Variants in THSD4 observed in about 807,000 individuals in gnomAD.
THSD4 encodes thrombospondin type 1 domain containing 4.
THSD4 carries 69 observed loss-of-function variants against 119.0 expected under a neutral mutation model. That is an observed-to-expected ratio of 0.58 (90% confidence interval 0.48 to 0.71). The LOEUF (loss-of-function observed/expected upper bound fraction) is 0.71, where lower values mean the gene tolerates loss of function less well. Ranked by LOEUF, THSD4 falls within the 30% of genes least tolerant of loss-of-function variation. The pLI is 0.00. For missense variants in THSD4, 1,393 were observed against 1,391.1 expected (o/e 1.00, Z -0.02); for synonymous variants, 524 against 540.4 (o/e 0.97, Z 0.42).
At chr15:71,633,139 A>G (rs2050664949) in intron 7 of THSD4, among the ~76,000 whole-genome samples, 1 of 152,076 alleles carries the variant, frequency 6.6e-6, no homozygotes, top group South Asian at 2.1e-4. Context: ...ACCCCCATCT[A>G]TTGTGTGTAT....
chr15:71,468,733 TC>T (rs1479451058), intron 7 of THSD4, among the ~76,000 whole-genome samples: 6 of 152,228 alleles, frequency 3.9e-5, no homozygotes, highest in Non-Finnish European at 7.3e-5. Flanking sequence ...TGGACCCTCT[TC>T]TGTCTTACTC....
At chr15:71,676,425 G>T (rs552569458) in intron 8 of THSD4, among the ~76,000 whole-genome samples, 1 of 152,076 alleles carries the variant, frequency 6.6e-6, no homozygotes, top group Non-Finnish European at 1.5e-5. Context: ...GGGACTACAG[G>T]CATGCACCAC....
At chr15:71,343,070 GACAA>G (rs752361394) in intron 6 of THSD4, among the ~76,000 whole-genome samples, 82 of 152,240 alleles carry the variant, frequency 5.4e-4, no homozygotes, top group Non-Finnish European at 7.6e-4. Context: ...TTCTTCTCTG[GACAA>G]ACAAAGTCCA....
At chr15:71,263,056 C>A (rs1467996237) in intron 6 of THSD4, among the ~76,000 whole-genome samples, 3 of 151,600 alleles carry the variant, frequency 2.0e-5, no homozygotes, top group Non-Finnish European at 4.4e-5. Context: ...CAGATTATTT[C>A]ATCACCCAGT....
chr15:71,220,528 G>A (rs1454606710), intron 4 of THSD4, among the ~76,000 whole-genome samples: 1 of 152,152 alleles, frequency 6.6e-6, no homozygotes, highest in Non-Finnish European at 1.5e-5. Flanking sequence ...ATGTGGGGTT[G>A]TTGAATAATT....
chr15:71,515,339 A>G (rs183680351), intron 7 of THSD4, among the ~76,000 whole-genome samples: 228 of 152,280 alleles, frequency 1.5e-3, no homozygotes, highest in Middle Eastern at 0.01. Flanking sequence ...AATGAAAACC[A>G]TTTCTTTAAA....
intron 6 of THSD4, among the ~76,000 whole-genome samples, chr15:71,375,107 G>A (rs28400270): frequency 0.26 from 39,487 of 152,046 alleles, 5,642 homozygotes; most frequent in East Asian, 0.54. Flanking sequence ...CCAGGATGTT[G>A]CAAATGTATG....
At chr15:71,636,922 T>C (rs1345562504) in intron 7 of THSD4, among the ~76,000 whole-genome samples, 1 of 151,940 alleles carries the variant, frequency 6.6e-6, no homozygotes. Context: ...TCTCACTCTG[T>C]CACCCAGGCT....
At chr15:71,524,875 G>T (rs1450105054) in intron 7 of THSD4, among the ~76,000 whole-genome samples, 3 of 150,266 alleles carry the variant, frequency 2.0e-5, no homozygotes, top group East Asian at 2.0e-4. Flanking sequence ...GCCTCCCAAA[G>T]TGCTGGGATT....
At chr15:71,299,974 A>ATAT (rs1285846370) in intron 6 of THSD4, among the ~76,000 whole-genome samples, 724 of 36,454 alleles carry the variant, frequency 0.02, 3 homozygotes, top group South Asian at 0.079. Context: ...AAAAAAAAAA[A>ATAT]AAATATATAT....
intron 6 of THSD4, among the ~76,000 whole-genome samples, chr15:71,294,690 A>T (rs2044838495): frequency 6.6e-6 from 1 of 152,146 alleles, no homozygotes; most frequent in South Asian, 2.1e-4. Flanking sequence ...CCCAAGACGT[A>T]TGGCCTGAGT....
intron 11 of THSD4, among the ~76,000 whole-genome samples, chr15:71,744,641 C>T (rs978191806): frequency 1.3e-5 from 2 of 152,188 alleles, no homozygotes; most frequent in African/African-American, 4.8e-5. Flanking sequence ...CCAAAATATA[C>T]ATGCACATAT....
rs2053950805 is a variant in THSD4 at position 71,778,441 on chromosome 15, G to A, written c.*1067G>A. Reference sequence around the variant, plus strand: ...TGCTGTTCCTCCCAGGAAATCAAAGGCCAGGGTCCTTATGGCCGTGGAGCC... The same window carrying A: ...TGCTGTTCCTCCCAGGAAATCAAAGACCAGGGTCCTTATGGCCGTGGAGCC... On this transcript the variant is annotated 3_prime_UTR_variant, in exon 18 of 18. Coordinates refer to ENST00000261862, the MANE Select transcript of THSD4 (RefSeq NM_024817.3). The A allele has an allele frequency of 6.6e-6, 1 of 152,298 alleles. No homozygotes were observed. Among genetic ancestry groups the A allele is most frequent in the South Asian group, 2.1e-4 (1 of 4,822 alleles). 9.4% of individuals were successfully genotyped at this position (152,298 alleles called of 1,614,324 possible).
upstream of THSD4, chr15:71,111,340 G>C: frequency 6.2e-7 from 1 of 1,613,884 alleles, no homozygotes; most frequent in Non-Finnish European, 8.5e-7. Context: ...ATTTTCTCTT[G>C]CCCAGTTGTG....
chr15:71,113,890 C>A (rs1405245834), upstream of THSD4: 1 of 151,674 alleles, frequency 6.6e-6, no homozygotes, highest in African/African-American at 2.4e-5. Flanking sequence ...GTGTATAATT[C>A]AGTGACATTA....
chr15:71,724,434 C>T (rs1461659862), intron 8 of THSD4, among the ~76,000 whole-genome samples: 1 of 151,098 alleles, frequency 6.6e-6, no homozygotes, highest in African/African-American at 2.4e-5. Flanking sequence ...TACAGGTGCC[C>T]ACCACCACGC....
chr15:71,350,006 G>A (rs1182921056), intron 6 of THSD4, among the ~76,000 whole-genome samples: 2 of 152,054 alleles, frequency 1.3e-5, no homozygotes, highest in African/African-American at 2.4e-5. Flanking sequence ...CTGACATGCC[G>A]TTATTTAAAA....
chr15:71,518,958 A>G (rs1252311447), intron 7 of THSD4, among the ~76,000 whole-genome samples: 1 of 152,250 alleles, frequency 6.6e-6, no homozygotes, highest in East Asian at 1.9e-4. Flanking sequence ...AAGTTAAAAA[A>G]TAATATAACA....
intron 7 of THSD4, among the ~76,000 whole-genome samples, chr15:71,562,763 C>T (rs946053553): frequency 6.8e-6 from 1 of 146,636 alleles, no homozygotes; most frequent in African/African-American, 2.5e-5. Flanking sequence ...AGTACAATGG[C>T]GCAATCTCAG....
Sources: gnomAD v4.1 joint callset for allele counts (sites outside exome capture counted in the v4.1 genomes callset) on GRCh38, gnomAD v4.1.1 for gene constraint, MANE v1.5 for transcripts, NCBI Gene and HGNC (gene_info 2026-07-23, HGNC 2026-07-21) for gene names.